The following GNPAT variants were observed in gnomAD, a reference collection of about 807,000 sequenced individuals.
GNPAT encodes glyceronephosphate O-acyltransferase.
Under a neutral mutation model 78.4 loss-of-function variants are expected in GNPAT, and 30 were observed. The ratio of observed to expected loss-of-function variants is 0.38; its 90% CI spans 0.29 to 0.52. The LOEUF is 0.52. Among genes scored for constraint, GNPAT ranks in the 20% least tolerant of loss-of-function variants. The pLI is 0.84. For missense variants in GNPAT, 714 were observed against 812.2 expected, an observed-to-expected ratio of 0.88 and a Z score of 1.47; for synonymous variants, 271 against 281.1, an observed-to-expected ratio of 0.96 and a Z score of 0.36.
chr1:231,241,277 A>G lies in GNPAT; in HGVS notation c.-102A>G. 8 of 1,407,940 alleles carry G rather than the reference A, an allele frequency of 5.7e-6. No individual in the cohort carries two copies. The highest frequency in any genetic ancestry group is 7.1e-6 in the Non-Finnish European group (7 of 992,580). 87.2% of individuals were successfully genotyped at this position (1,407,940 alleles called of 1,614,324 possible). On this transcript the variant is annotated 5_prime_UTR_variant, in exon 1 of 16. Transcript: ENST00000366647. ...CGGCTGCAGAGGGTGCCGCCGCCCT[A>G]GGCGAAGTAGGGCCGTCCTGAGCGA...
chr1:231,268,118 C>G (rs111743352), intron 9 of GNPAT, among the ~76,000 whole-genome samples: 4 of 152,076 alleles, frequency 2.6e-5, no homozygotes, highest in African/African-American at 9.6e-5. Context: ...CTGGCTAACG[C>G]GGTGAAACCC....
chr1:231,263,328 C>A (rs746283492), intron 4 of GNPAT, among the ~76,000 whole-genome samples: 2 of 152,154 alleles, frequency 1.3e-5, no homozygotes, highest in Non-Finnish European at 2.9e-5. Context: ...CTTCATCTTG[C>A]AAAACTGAAA....
At chr1:231,243,888 A>C (rs1353418816) in intron 1 of GNPAT, among the ~76,000 whole-genome samples, 1 of 152,016 alleles carries the variant, frequency 6.6e-6, no homozygotes, top group Non-Finnish European at 1.5e-5. Flanking sequence ...GTATACACAT[A>C]TATATATAAA....
At chr1:231,271,511 G>A (rs1228926208) in intron 10 of GNPAT, among the ~76,000 whole-genome samples, 9 of 152,206 alleles carry the variant, frequency 5.9e-5, no homozygotes, top group African/African-American at 1.9e-4. Flanking sequence ...AGAATTACTA[G>A]GGGAGTGAGC....
intron 2 of GNPAT, among the ~76,000 whole-genome samples, chr1:231,256,938 A>G (rs2102808952): frequency 1.3e-5 from 2 of 152,310 alleles, no homozygotes; most frequent in Middle Eastern, 3.4e-3. Flanking sequence ...CATTTAAGAG[A>G]TGTCTCAAGT....
intron 2 of GNPAT, among the ~76,000 whole-genome samples, chr1:231,254,880 T>C (rs1685004750): frequency 6.6e-6 from 1 of 151,760 alleles, no homozygotes; most frequent in South Asian, 2.1e-4. Context: ...GCGTCCCAAG[T>C]AGCTGGGATT....
intron 1 of GNPAT, among the ~76,000 whole-genome samples, chr1:231,248,547 G>A (rs569451662): frequency 6.6e-6 from 1 of 151,138 alleles, no homozygotes; most frequent in South Asian, 2.1e-4. Context: ...GGGCAACATA[G>A]CAAGACCCCC....
chr1:231,241,236 C>T lies in GNPAT; in HGVS notation c.-143C>T. The stretch of plus-strand genomic sequence containing the variant: ...TCCGTCCTGGCTGAGATGGCGGCGC[C>T]CGGGATCCTGTGTAGCGGCTGCAGA... On this transcript the variant is annotated 5_prime_UTR_variant, in exon 1 of 16. Transcript: ENST00000366647. 1.3e-6 allele frequency: 2 copies of T among 1,484,564 alleles called. No homozygotes were observed. The highest frequency in any genetic ancestry group is 1.9e-6 in the Non-Finnish European group (2 of 1,065,306). 92.0% of individuals were successfully genotyped at this position (1,484,564 alleles called of 1,614,324 possible).
chr1:231,274,078 A>G lies in GNPAT; in HGVS notation c.1743+16A>G, dbSNP rs753168924. On this transcript the variant is annotated intron_variant, in intron 12 of 15. Coordinates refer to ENST00000366647, the MANE Select transcript of GNPAT (RefSeq NM_014236.4). ...AAGCTATCAGGTATGTAAATTTGGC[A>G]AGTTCTCCTTCATGCCCCCCATATC... 5.6e-6 allele frequency: 9 copies of G among 1,609,554 alleles called. No individual in the cohort carries two copies. The highest frequency in any genetic ancestry group is 6.0e-6 in the Non-Finnish European group (7 of 1,176,244).
intron 1 of GNPAT, among the ~76,000 whole-genome samples, chr1:231,243,940 ACT>A (rs1350302121): frequency 6.0e-5 from 9 of 150,934 alleles, no homozygotes; most frequent in Non-Finnish European, 8.9e-5. Context: ...ATGGTGTCTC[ACT>A]CTGTCACCCA....
At chr1:231,262,638 G>A in intron 3 of GNPAT, 85 bp from the exon 4 acceptor site, 1 of 1,078,458 alleles carries the variant, frequency 9.3e-7, no homozygotes. Context: ...TCTAAATATA[G>A]ACTTATTCTT....
intron 1 of GNPAT, among the ~76,000 whole-genome samples, chr1:231,243,579 A>G (rs1253505083): frequency 1.3e-5 from 2 of 152,006 alleles, no homozygotes; most frequent in African/African-American, 4.8e-5. Flanking sequence ...TCACCTCCCA[A>G]AGTGCTGGAA....
chr1:231,275,228 G>T lies in GNPAT; in HGVS notation c.1751G>T (p.Cys584Phe). Reference protein sequence around the residue: ...KPFVESYQIICKYLLSEEEDH... With the variant: ...KPFVESYQIIFKYLLSEEEDH... ...CCTTCCTCTTAAAATCAGATAATTTGCAAGTACCTTTTGAGTGAAGAAGAG... is the reference window on the plus strand; with the variant it reads ...CCTTCCTCTTAAAATCAGATAATTTTCAAGTACCTTTTGAGTGAAGAAGAG... Residue 584 changes from cysteine to phenylalanine, a missense_variant, in exon 13 of 16, where the codon TGC becomes TTC. Physicochemically the swap from Cys to Phe is radical, Grantham distance 205. Transcript: ENST00000366647. The T allele has an allele frequency of 1.3e-6, 2 of 1,592,840 alleles. No individual in the cohort carries two copies. Among genetic ancestry groups the T allele is most frequent in the Non-Finnish European group, 8.6e-7 (1 of 1,160,598 alleles).
chr1:231,241,875 C>T (rs1571925715), intron 1 of GNPAT, among the ~76,000 whole-genome samples: 3 of 152,372 alleles, frequency 2.0e-5, no homozygotes, highest in East Asian at 3.9e-4. Flanking sequence ...GCACCCCGCC[C>T]TATGCTGCTG....
At position 231,277,886 on chromosome 1, in the gene GNPAT, C is replaced by G. The variant is rs943201357; in HGVS notation, c.*344C>G. On this transcript the variant is annotated 3_prime_UTR_variant, in exon 16 of 16. Coordinates refer to ENST00000366647, the MANE Select transcript of GNPAT (RefSeq NM_014236.4). ...ACTTTTGAATTAAAGTATGACAACA[C>G]TGAAAGCTCTGGATATTAAAAGAAA... The G allele has an allele frequency of 1.0e-5, 2 of 196,310 alleles. No homozygotes were observed. The highest frequency in any genetic ancestry group is 5.5e-5 in the Admixed American group (1 of 18,088). 12.2% of individuals were successfully genotyped at this position (196,310 alleles called of 1,614,324 possible).
intron 2 of GNPAT, among the ~76,000 whole-genome samples, chr1:231,251,945 C>T (rs931289859): frequency 1.2e-4 from 19 of 152,136 alleles, no homozygotes; most frequent in African/African-American, 4.3e-4. Context: ...TTCAGTATGA[C>T]GAGACCAAAG....
At chr1:231,241,529 C>A in intron 1 of GNPAT, 73 bp downstream of exon 1, 1 of 1,098,862 alleles carries the variant, frequency 9.1e-7, no homozygotes, top group Non-Finnish European at 1.4e-6. Context: ...GTCCCTATTC[C>A]TCCGGCCCAC....
chr1:231,250,916 T>C, intron 1 of GNPAT, 45 bp from the exon 2 acceptor site: 1 of 1,253,964 alleles, frequency 8.0e-7, no homozygotes, highest in Non-Finnish European at 1.2e-6. Flanking sequence ...TCTGTCCTGA[T>C]TTATTTTACA....
Position 231,265,272 on chromosome 1 carries a change from ATAT to A in GNPAT, c.569-17_569-15del. 6.4e-7 allele frequency: 1 copy of A among 1,566,916 alleles called. No homozygotes were observed. The highest frequency in any genetic ancestry group is 8.8e-7 in the Non-Finnish European group (1 of 1,136,856). ...AGAAGATTTCAAGATCTGCAAATAA[ATAT>A]TATCCCCTCTTTTTTAGACTTCCTG... On this transcript the variant is annotated intron_variant, in intron 4 of 15. Transcript: ENST00000366647.
Sources: allele counts gnomAD v4.1 joint callset (sites outside exome capture counted in the v4.1 genomes callset), GRCh38; gene constraint gnomAD v4.1.1; transcripts MANE v1.5; gene names NCBI Gene and HGNC (gene_info 2026-07-23, HGNC 2026-07-21).